Variants in HPS4 observed in about 807,000 individuals in gnomAD.
HPS4 encodes BLOC-3 complex member HPS4.
In HPS4, 44 loss-of-function variants were observed where a neutral mutation model predicts 70.3. The observed-to-expected ratio is 0.63, with a 90% CI of 0.49 to 0.80. The LOEUF is 0.80. HPS4 is among the 30% of genes least tolerant of loss of function. The pLI, the probability that HPS4 is intolerant of heterozygous loss-of-function variation, is 0.00. For synonymous variants in HPS4, 377 were observed against 355.9 expected, an observed-to-expected ratio of 1.06 and a Z score of -0.67; for missense variants, 873 against 884.4, an observed-to-expected ratio of 0.99 and a Z score of 0.16.
chr22:26,446,939 T>C (rs943806540), downstream of HPS4, among the ~76,000 whole-genome samples: 1 of 152,220 alleles, frequency 6.6e-6, no homozygotes, highest in Non-Finnish European at 1.5e-5. Context: ...TTGGCCAGGC[T>C]GATCTCGAAC....
In HPS4 at chr22:26,477,052, TAGG is replaced by T; in HGVS notation, c.214_216del (p.Pro72del). ...TTCAGTTTTCTCAGACGAACAAGAG[TAGG>T]AGGAGAGTCAGAAATGTCAGAAACA... On this transcript the variant is annotated inframe_deletion, in exon 4 of 14. Transcript: ENST00000398145. 2 of 1,613,892 alleles carry T rather than the reference TAGG, an allele frequency of 1.2e-6. No homozygotes were observed. Among genetic ancestry groups the T allele is most frequent in the Non-Finnish European group, 8.5e-7 (1 of 1,179,942 alleles).
rs1257402746 is a variant in HPS4 at position 26,451,770 on chromosome 22, G to A, written c.*1463C>T. 2 of 152,290 alleles carry A rather than the reference G, an allele frequency of 1.3e-5. No individual in the cohort carries two copies. Among genetic ancestry groups the A allele is most frequent in the Admixed American group, 6.5e-5 (1 of 15,284 alleles). The allele number at this position is 152,290 out of a possible 1,614,324, so 9.4% of individuals were successfully genotyped here. A position where few individuals can be genotyped will look rare whatever the true frequency, so the allele number is the denominator to read the frequency against. ...TAAGACAACATTTATCCTAGCTTCG[G>A]ATAGGATCCTCTTCCATCTAGGCAG... On this transcript the variant is annotated 3_prime_UTR_variant, in exon 14 of 14. Transcript: ENST00000398145.
chr22:26,460,081 T>C (rs778225282), intron 11 of HPS4, among the ~76,000 whole-genome samples: 5 of 152,224 alleles, frequency 3.3e-5, no homozygotes, highest in Non-Finnish European at 7.3e-5. Context: ...TTCAAGTCAA[T>C]AGGTGTGACA....
In HPS4 at chr22:26,470,779, A is replaced by C. The variant is rs1256755550; in HGVS notation, c.536T>G (p.Ile179Ser). ...EPLLLLKAAR[I>S]LQTCQRSPHI... ...AGGCGAGCGCTGGCAGGTCTGCAGA[A>C]TGCGGGCTGCCTTCAGCAACAACAG... is the stretch of plus-strand genomic sequence containing the variant. Residue 179 changes from isoleucine to serine, a missense_variant, in exon 7 of 14, where the codon ATT becomes AGT. By Grantham distance (142) the Ile-to-Ser change is moderately radical (BLOSUM62 -2). Transcript: ENST00000398145. 2 of 1,614,226 alleles carry C rather than the reference A, an allele frequency of 1.2e-6. No homozygotes were observed. Among genetic ancestry groups the C allele is most frequent in the Admixed American group, 1.7e-5 (1 of 60,024 alleles).
At chr22:26,476,197 T>C (rs2090523938) in intron 4 of HPS4, 1 of 152,194 alleles carries the variant, frequency 6.6e-6, no homozygotes, top group Non-Finnish European at 1.5e-5. Context: ...TAAAAAATTT[T>C]CGTAATAAAA....
chr22:26,472,448 C>T (rs557276497), intron 5 of HPS4, 30 bp from the exon 6 acceptor site: 2 of 1,378,224 alleles, frequency 1.5e-6, no homozygotes, highest in Admixed American at 3.3e-5. Context: ...AGGTCAATAT[C>T]TGAGATTTTG....
chr22:26,476,957 G>C, intron 4 of HPS4, 36 bp downstream of exon 4: 1 of 1,610,342 alleles, frequency 6.2e-7, no homozygotes, highest in South Asian at 1.1e-5. Context: ...ACTTATCATT[G>C]CAACACTTCA....
At chr22:26,469,188 T>C (rs759197811) in intron 7 of HPS4, among the ~76,000 whole-genome samples, 4 of 148,822 alleles carry the variant, frequency 2.7e-5, no homozygotes, top group Non-Finnish European at 1.5e-5. Flanking sequence ...GGCTTACTCC[T>C]GCAATCACAG....
Position 26,481,894 on chromosome 22 carries a change from G to A in HPS4, c.-132C>T, listed in dbSNP as rs2091322483. 7.0e-6 allele frequency: 6 copies of A among 855,518 alleles called. No homozygotes were observed. Among genetic ancestry groups the A allele is most frequent in the African/African-American group, 1.6e-5 (1 of 60,652 alleles). The allele number at this position is 855,518 out of a possible 1,614,324, so 53.0% of individuals were successfully genotyped here. On this transcript the variant is annotated 5_prime_UTR_variant, in exon 2 of 14. Coordinates refer to ENST00000398145, the MANE Select transcript of HPS4 (RefSeq NM_022081.6). ...GACGTGGTAGGTTTCAGTGTTTTCA[G>A]TCACAACTGCCACTTGGTTAGTTTT... is the stretch of plus-strand genomic sequence containing the variant.
In HPS4 at chr22:26,463,901, G is replaced by A. The variant is rs757752164; in HGVS notation, c.1713+16C>T. Reference sequence around the variant, plus strand: ...AGAGGCCGCAGAGGGGCAGGAGAAGGTCTGAGGACACTCACCACTTCCTCT... The same window carrying A: ...AGAGGCCGCAGAGGGGCAGGAGAAGATCTGAGGACACTCACCACTTCCTCT... On this transcript the variant is annotated intron_variant, in intron 11 of 13. Coordinates refer to ENST00000398145, the MANE Select transcript of HPS4 (RefSeq NM_022081.6). 6.2e-7 allele frequency: 1 copy of A among 1,611,346 alleles called. No individual in the cohort carries two copies.
chr22:26,456,993 C>A (rs2086249982), intron 13 of HPS4, among the ~76,000 whole-genome samples: 3 of 152,158 alleles, frequency 2.0e-5, no homozygotes, highest in Middle Eastern at 6.8e-3. Context: ...TAAAATTGTA[C>A]ATTAGTAGAA....
chr22:26,462,703 G>A (rs1210398853), intron 11 of HPS4, among the ~76,000 whole-genome samples: 1 of 152,168 alleles, frequency 6.6e-6, no homozygotes, highest in Non-Finnish European at 1.5e-5. Context: ...ACACTGTGCA[G>A]AACAGACCAT....
At position 26,452,006 on chromosome 22, in the gene HPS4, A is replaced by G. The variant is rs7293228; in HGVS notation, c.*1227T>C. 1,258 of 78,230 alleles carry G rather than the reference A, an allele frequency of 0.016. 17 individuals are homozygous for G. The highest frequency in any genetic ancestry group is 0.089 in the African/African-American group (885 of 9,900). The allele number at this position is 78,230 out of a possible 1,614,324, so 4.8% of individuals were successfully genotyped here. ...ACGTTACGCGCGCGCGCGCGCGCGCACACACACACACACACACACACACAC... is the reference window on the plus strand; with the variant it reads ...ACGTTACGCGCGCGCGCGCGCGCGCGCACACACACACACACACACACACAC... On this transcript the variant is annotated 3_prime_UTR_variant, in exon 14 of 14. Transcript: ENST00000398145.
downstream of HPS4, chr22:26,443,784 A>C (rs1335627164): frequency 6.6e-6 from 1 of 152,408 alleles, no homozygotes; most frequent in Admixed American, 6.5e-5. Context: ...TGCCAGACAC[A>C]GTCAGGGTGG....
chr22:26,471,190 G>C (rs2089746214), intron 6 of HPS4: 1 of 387,034 alleles, frequency 2.6e-6, no homozygotes, highest in Non-Finnish European at 5.0e-6. Flanking sequence ...TACATGTCAT[G>C]GTACCAGGTG....
At chr22:26,477,628 C>T (rs577878025) in intron 3 of HPS4, among the ~76,000 whole-genome samples, 9 of 152,154 alleles carry the variant, frequency 5.9e-5, no homozygotes, top group Non-Finnish European at 1.3e-4. Context: ...CCTTAACTAA[C>T]GCACAGGACA....
At chr22:26,468,492 G>A (rs1388793351) in intron 8 of HPS4, 59 bp downstream of exon 8, 5 of 1,458,478 alleles carry the variant, frequency 3.4e-6, no homozygotes, top group Non-Finnish European at 3.8e-6. Context: ...CCAGCCTCAG[G>A]CTCAGTGACC....
At chr22:26,446,013 C>T (rs565816638), downstream of HPS4, among the ~76,000 whole-genome samples, 272 of 152,274 alleles carry the variant, frequency 1.8e-3, 1 homozygote, top group African/African-American at 6.1e-3. Flanking sequence ...CCACAACAAG[C>T]GGAAGGGAAG....
downstream of HPS4, among the ~76,000 whole-genome samples, chr22:26,449,536 G>T (rs1016115947): frequency 3.3e-5 from 5 of 151,858 alleles, no homozygotes; most frequent in Non-Finnish European, 7.4e-5. Context: ...TCATCACGTT[G>T]GCCAGGCTGG....
Sources: allele counts gnomAD v4.1 joint callset (sites outside exome capture counted in the v4.1 genomes callset), GRCh38; gene constraint gnomAD v4.1.1; transcripts MANE v1.5; gene names NCBI Gene and HGNC (gene_info 2026-07-23, HGNC 2026-07-21).